SEL1L2: variants seen among roughly 807,000 people sequenced by gnomAD.
The protein encoded by SEL1L2 is SEL1L2 adaptor subunit of SYVN1 ubiquitin ligase, also known as protein sel-1 homolog 2.
Under a neutral mutation model 98.8 loss-of-function variants are expected in SEL1L2, and 89 were observed. That is an observed-to-expected ratio of 0.90 (90% CI 0.76 to 1.07). The LOEUF is 1.07. Among genes scored for constraint, SEL1L2 ranks in the 50% least tolerant of loss-of-function variants. The pLI is 0.00. For missense variants in SEL1L2, 788 were observed against 812.0 expected (o/e 0.97, Z 0.36); for synonymous variants, 262 against 278.5 (o/e 0.94, Z 0.59).
At chr20:13,989,571 C>A (rs1488311016) in intron 1 of SEL1L2, among the ~76,000 whole-genome samples, 1 of 152,210 alleles carries the variant, frequency 6.6e-6, no homozygotes, top group Admixed American at 6.5e-5. Flanking sequence ...AGCAGTCAGT[C>A]TTTCACCATT....
intron 2 of SEL1L2, among the ~76,000 whole-genome samples, chr20:13,941,415 T>C (rs1448717202): frequency 6.6e-6 from 1 of 152,228 alleles, no homozygotes; most frequent in Non-Finnish European, 1.5e-5. Flanking sequence ...TTCTGGCTTC[T>C]TGAATAAAGC....
intron 2 of SEL1L2, 118 bp from the exon 3 acceptor site, chr20:13,931,889 C>G (rs2049161432): frequency 1.4e-6 from 1 of 731,970 alleles, no homozygotes; most frequent in Non-Finnish European, 2.0e-6. Flanking sequence ...TGCAATTACT[C>G]TAATTCTTGC....
intron 1 of SEL1L2, among the ~76,000 whole-genome samples, chr20:13,960,511 G>A (rs1448021409): frequency 6.6e-6 from 1 of 152,148 alleles, no homozygotes; most frequent in African/African-American, 2.4e-5. Context: ...AGATGTGCAA[G>A]CCAAAACACT....
At chr20:13,865,283 T>C in intron 16 of SEL1L2, 42 bp from the exon 17 acceptor site, 1 of 1,608,990 alleles carries the variant, frequency 6.2e-7, no homozygotes, top group Non-Finnish European at 8.5e-7. Flanking sequence ...TTAAAATGCC[T>C]CTGTAGTAAA....
At chr20:13,893,007 G>T (rs963967701) in intron 5 of SEL1L2, among the ~76,000 whole-genome samples, 4 of 152,136 alleles carry the variant, frequency 2.6e-5, no homozygotes, top group Admixed American at 2.0e-4. Context: ...CCAAGTCAAA[G>T]AACAATTTCT....
intron 3 of SEL1L2, chr20:13,928,170 G>A (rs531106307): frequency 2.6e-5 from 4 of 152,284 alleles, no homozygotes; most frequent in African/African-American, 9.6e-5. Context: ...CATCTTTCTT[G>A]CTCCTCACAT....
In SEL1L2 at chr20:13,886,188, A is replaced by G; in HGVS notation, c.900+100T>C. 7.6e-6 allele frequency: 6 copies of G among 792,758 alleles called. No homozygotes were observed. The South Asian group carries it at 1.1e-4, about 15-fold the overall frequency. The allele number at this position is 792,758 out of a possible 1,614,324, so 49.1% of individuals were successfully genotyped here. Reference sequence around the variant, plus strand: ...GGAGGGCGGGTCTCCCCCCATTCCTATTTAGGATGGGGCATTGTTCATCCC... The same window carrying G: ...GGAGGGCGGGTCTCCCCCCATTCCTGTTTAGGATGGGGCATTGTTCATCCC... On this transcript the variant is annotated intron_variant, in intron 9 of 19. Coordinates refer to ENST00000284951, the MANE Select transcript of SEL1L2 (RefSeq NM_025229.2).
At chr20:13,982,750 G>A (rs142781045) in intron 1 of SEL1L2, among the ~76,000 whole-genome samples, 232 of 151,722 alleles carry the variant, frequency 1.5e-3, no homozygotes, top group Non-Finnish European at 2.3e-3. Context: ...CAGCAGGCCA[G>A]GCACGGTGGC....
In SEL1L2 at chr20:13,990,480, T is replaced by C. The variant is rs1172189804; in HGVS notation, c.55A>G (p.Lys19Glu). Residue 19 changes from lysine (K) to glutamate (E), a missense_variant, in exon 1 of 20, where the codon AAA becomes GAA. Lys to Glu is a moderately conservative substitution (Grantham distance 56). Coordinates refer to ENST00000284951, the MANE Select transcript of SEL1L2 (RefSeq NM_025229.2). ...CTCTAAGGACAAAAAAACTTACTTTTAATTGTGACCCCAAGAATTATCAAT... is the reference window on the plus strand; with the variant it reads ...CTCTAAGGACAAAAAAACTTACTTTCAATTGTGACCCCAAGAATTATCAAT... Reference protein sequence around the residue: ...EILIILGVTIKTIKAEEHNKR... With the variant: ...EILIILGVTIETIKAEEHNKR... 5 of 1,610,656 alleles carry C rather than the reference T, an allele frequency of 3.1e-6. No homozygotes were observed. The highest frequency in any genetic ancestry group is 4.2e-6 in the Non-Finnish European group (5 of 1,177,122).
At chr20:13,948,229 A>G (rs1333607190) in intron 2 of SEL1L2, among the ~76,000 whole-genome samples, 2 of 151,458 alleles carry the variant, frequency 1.3e-5, no homozygotes, top group African/African-American at 4.9e-5. Flanking sequence ...TAAAAATCCC[A>G]ATGGCTTTTT....
At chr20:13,885,956 G>A (rs1347104491) in intron 9 of SEL1L2, among the ~76,000 whole-genome samples, 1 of 151,764 alleles carries the variant, frequency 6.6e-6, no homozygotes, top group Non-Finnish European at 1.5e-5. Context: ...AGAATGGTGT[G>A]AACTCGGGAG....
At chr20:13,932,475 A>G (rs1008537472) in intron 2 of SEL1L2, among the ~76,000 whole-genome samples, 1 of 151,558 alleles carries the variant, frequency 6.6e-6, no homozygotes, top group Non-Finnish European at 1.5e-5. Flanking sequence ...TCTGTCACCC[A>G]GGCTGGAGTG....
chr20:13,926,342 A>G (rs1237384224), intron 3 of SEL1L2, among the ~76,000 whole-genome samples: 1 of 152,110 alleles, frequency 6.6e-6, no homozygotes, highest in Non-Finnish European at 1.5e-5. Context: ...ATAAATAAAA[A>G]ATTCAAAAAA....
At position 13,882,765 on chromosome 20, in the gene SEL1L2, T is replaced by A. The variant is rs555861521; in HGVS notation, c.957+2582A>T. ...GAAAACCACCTAAGTTTGGGACTATTTTTTTAAAAATGCAGACAAAGATAA... is the reference window on the plus strand; with the variant it reads ...GAAAACCACCTAAGTTTGGGACTATATTTTTAAAAATGCAGACAAAGATAA... On this transcript the variant is annotated intron_variant, in intron 10 of 19. Coordinates refer to ENST00000284951, the MANE Select transcript of SEL1L2 (RefSeq NM_025229.2). Among the ~76,000 whole-genome samples, 3 of 152,244 alleles carry A rather than the reference T, an allele frequency of 2.0e-5. No homozygotes were observed. The East Asian group carries it at 5.8e-4, about 29-fold the overall frequency.
chr20:13,902,135 T>C (rs776146125), intron 5 of SEL1L2, among the ~76,000 whole-genome samples: 2 of 152,158 alleles, frequency 1.3e-5, no homozygotes, highest in Admixed American at 6.6e-5. Context: ...GTGTGTCTTA[T>C]GGAAAGCTGC....
At chr20:13,865,831 CTGTGTG>C (rs11467978) in intron 15 of SEL1L2, among the ~76,000 whole-genome samples, 74 of 149,824 alleles carry the variant, frequency 4.9e-4, no homozygotes, top group East Asian at 1.8e-3. Flanking sequence ...GTGTGTGTGT[CTGTGTG>C]TGTGTGTGTG....
At chr20:13,930,421 T>G (rs2049093546) in intron 3 of SEL1L2, among the ~76,000 whole-genome samples, 1 of 152,246 alleles carries the variant, frequency 6.6e-6, no homozygotes, top group South Asian at 2.1e-4. Flanking sequence ...GTCCTGCTAC[T>G]GGCCCCAGGG....
intron 4 of SEL1L2, among the ~76,000 whole-genome samples, chr20:13,914,881 C>A (rs2048338185): frequency 6.6e-6 from 1 of 152,136 alleles, no homozygotes; most frequent in Non-Finnish European, 1.5e-5. Context: ...CTCTTCGAGA[C>A]CCAGTCAGAA....
intron 5 of SEL1L2, among the ~76,000 whole-genome samples, chr20:13,909,685 T>G (rs555069894): frequency 2.6e-5 from 4 of 152,196 alleles, no homozygotes; most frequent in Admixed American, 1.3e-4. Flanking sequence ...ATTTTAGTAT[T>G]TTAATAAACA....
Sources: gnomAD v4.1 joint callset for allele counts (sites outside exome capture counted in the v4.1 genomes callset) on GRCh38, gnomAD v4.1.1 for gene constraint, MANE v1.5 for transcripts, NCBI Gene and HGNC (gene_info 2026-07-23, HGNC 2026-07-21) for gene names.